Variants in ANGPTL3 observed in about 807,000 individuals in gnomAD.
The protein encoded by ANGPTL3 is angiopoietin-related protein 3.
In ANGPTL3, 51 loss-of-function variants were observed where a neutral mutation model predicts 52.7. That is an observed-to-expected ratio of 0.97 (90% CI 0.77 to 1.22). The LOEUF (loss-of-function observed/expected upper bound fraction) is 1.22, where lower values mean the gene tolerates loss of function less well. ANGPTL3 is among the 50% of genes most tolerant of loss of function. The pLI, the probability that ANGPTL3 is intolerant of heterozygous loss-of-function variation, is 0.00. For synonymous variants in ANGPTL3, 185 were observed against 179.8 expected, an observed-to-expected ratio of 1.03 and a Z score of -0.23; for missense variants, 506 against 520.7, an observed-to-expected ratio of 0.97 and a Z score of 0.27.
At position 62,597,728 on chromosome 1, in the gene ANGPTL3, A is replaced by G; in HGVS notation, c.162A>G (p.Gly54=). The change falls in exon 1 of 7, where the codon GGA becomes GGG. Residue 54 remains glycine (G), a synonymous_variant. Transcript: ENST00000371129. ...KILANGLLQL[G]HGLKDFVHKT... is the part of the protein sequence containing the mutation. ...TAGCCAATGGCCTCCTTCAGTTGGGACATGGTCTTAAAGACTTTGTCCATA... is the reference window on the plus strand; with the variant it reads ...TAGCCAATGGCCTCCTTCAGTTGGGGCATGGTCTTAAAGACTTTGTCCATA... 1 of 1,613,618 alleles carries G rather than the reference A, an allele frequency of 6.2e-7. No individual in the cohort carries two copies.
chr1:62,601,597 T>C (rs1459398952), intron 3 of ANGPTL3, among the ~76,000 whole-genome samples, 172 bp from the exon 4 acceptor site: 1 of 151,684 alleles, frequency 6.6e-6, no homozygotes, highest in Non-Finnish European at 1.5e-5. Context: ...TTTGGTAAGA[T>C]GATTCTTACA....
Position 62,601,156 on chromosome 1 carries a change from C to CG in ANGPTL3, c.681_682insG (p.Phe228ValfsTer6). ...AGCCAAGAGCACCAAGAACTACTCCCTTTCTTCAGTTGAATGAAATAAGAA... is the reference window on the plus strand; with the variant it reads ...AGCCAAGAGCACCAAGAACTACTCCCGTTTCTTCAGTTGAATGAAATAAGAA... On this transcript the variant is annotated frameshift_variant, in exon 3 of 7. Transcript: ENST00000371129. LOFTEE classifies it high-confidence loss of function. The CG allele has an allele frequency of 6.2e-7, 1 of 1,610,696 alleles. No individual in the cohort carries two copies. Among genetic ancestry groups the CG allele is most frequent in the Non-Finnish European group, 8.5e-7 (1 of 1,177,478 alleles).
Position 62,605,856 on chromosome 1 carries a change from AAGATT to A in ANGPTL3, c.*1044_*1048del, listed in dbSNP as rs1452249062. On this transcript the variant is annotated 3_prime_UTR_variant, in exon 7 of 7. Coordinates refer to ENST00000371129, the MANE Select transcript of ANGPTL3 (RefSeq NM_014495.4). ...AGATCCCTAAATCCCTAAATCCCTAAAGATTAGATACAAATTTTTTACCACAGTAT... is the reference window on the plus strand; with the variant it reads ...AGATCCCTAAATCCCTAAATCCCTAAAGATACAAATTTTTTACCACAGTAT... 1 of 152,000 alleles carries A rather than the reference AAGATT, an allele frequency of 6.6e-6. No individual in the cohort carries two copies. The highest frequency in any genetic ancestry group is 1.5e-5 in the Non-Finnish European group (1 of 67,904). 9.4% of individuals were successfully genotyped at this position (152,000 alleles called of 1,614,324 possible). A position where few individuals can be genotyped will look rare whatever the true frequency, so the allele number is the denominator to read the frequency against.
At chr1:62,603,230 G>A (rs1413336657) in intron 5 of ANGPTL3, among the ~76,000 whole-genome samples, 2 of 151,594 alleles carry the variant, frequency 1.3e-5, no homozygotes, top group Admixed American at 6.6e-5. Context: ...CAACCCATTT[G>A]TACTTGTATT....
At position 62,605,772 on chromosome 1, in the gene ANGPTL3, A is replaced by G. The variant is rs1414795824; in HGVS notation, c.*955A>G. 1 of 152,338 alleles carries G rather than the reference A, an allele frequency of 6.6e-6. No homozygotes were observed. Among genetic ancestry groups the G allele is most frequent in the East Asian group, 1.9e-4 (1 of 5,198 alleles). The allele number at this position is 152,338 out of a possible 1,614,324, so 9.4% of individuals were successfully genotyped here. On this transcript the variant is annotated 3_prime_UTR_variant, in exon 7 of 7. Transcript: ENST00000371129. The stretch of plus-strand genomic sequence containing the variant: ...TATGTTTAAAATTCAATAAACAAAG[A>G]CCCAGTCCCTAAATTATAGAAATTT...
Position 62,604,791 on chromosome 1 carries a change from C to A in ANGPTL3, c.1357C>A (p.Pro453Thr), listed in dbSNP as rs749073340. The change falls in exon 7 of 7, where the codon CCA becomes ACA. Residue 453 changes from proline to threonine, a missense_variant. Transcript: ENST00000371129. Reference protein sequence around the residue: ...SIKSTKMLIHPTDSESFE With the variant: ...SIKSTKMLIHTTDSESFE Reference sequence around the variant, plus strand: ...AAAATCAACCAAAATGTTGATCCATCCAACAGATTCAGAAAGCTTTGAATG... The same window carrying A: ...AAAATCAACCAAAATGTTGATCCATACAACAGATTCAGAAAGCTTTGAATG... 1.9e-6 allele frequency: 3 copies of A among 1,612,828 alleles called. No individual in the cohort carries two copies. Among genetic ancestry groups the A allele is most frequent in the Non-Finnish European group, 2.5e-6 (3 of 1,179,276 alleles).
intron 3 of ANGPTL3, 98 bp from the exon 4 acceptor site, chr1:62,601,671 A>G: frequency 1.2e-6 from 1 of 860,708 alleles, no homozygotes; most frequent in Admixed American, 2.0e-5. Flanking sequence ...AAAATGCTAC[A>G]TTTGCCACAA....
At position 62,605,520 on chromosome 1, in the gene ANGPTL3, T is replaced by C. The variant is rs576813673; in HGVS notation, c.*703T>C. ...TCACTATACCTTATTTGTTAAAATA[T>C]ATACTGTATACATTTTATATATTTT... On this transcript the variant is annotated 3_prime_UTR_variant, in exon 7 of 7. Coordinates refer to ENST00000371129, the MANE Select transcript of ANGPTL3 (RefSeq NM_014495.4). 1.2e-4 allele frequency: 18 copies of C among 152,608 alleles called. No homozygotes were observed. The highest frequency in any genetic ancestry group is 1.1e-3 in the Admixed American group (17 of 15,280). The allele number at this position is 152,608 out of a possible 1,614,324, so 9.5% of individuals were successfully genotyped here. A position where few individuals can be genotyped will look rare whatever the true frequency, so the allele number is the denominator to read the frequency against.
Position 62,604,037 on chromosome 1 carries a change from G to T in ANGPTL3, c.1000G>T (p.Glu334Ter). The change falls in exon 6 of 7, where the codon GAG becomes TAG. Residue 334 changes from glutamate to a stop codon, truncating the protein, a stop_gained. Transcript: ENST00000371129. LOFTEE classifies it high-confidence loss of function. ...GCAATCTAATTATGTTTTACGAATTGAGTTGGAAGACTGGAAAGACAACAA... is the reference window on the plus strand; with the variant it reads ...GCAATCTAATTATGTTTTACGAATTTAGTTGGAAGACTGGAAAGACAACAA... The part of the protein sequence containing the change: ...VKQSNYVLRI[E>*]LEDWKDNKHY... 6.2e-7 allele frequency: 1 copy of T among 1,612,982 alleles called. No homozygotes were observed. The highest frequency in any genetic ancestry group is 8.5e-7 in the Non-Finnish European group (1 of 1,179,244).
rs1649540559 is a variant in ANGPTL3 at position 62,598,022 on chromosome 1, A to G, written c.456A>G (p.Gln152=). The G allele has an allele frequency of 1.9e-6, 3 of 1,578,680 alleles. No individual in the cohort carries two copies. Among genetic ancestry groups the G allele is most frequent in the Non-Finnish European group, 2.6e-6 (3 of 1,170,666 alleles). The stretch of plus-strand genomic sequence containing the variant: ...AACTAACTAACTTAATTCAAAATCA[A>G]CCTGAAACTCCAGAACACCCAGAAG... The part of the protein sequence containing the change: ...EEQLTNLIQN[Q]PETPEHPEVT... Residue 152 remains glutamine (Q), a synonymous_variant, in exon 1 of 7, where the codon CAA becomes CAG. Coordinates refer to ENST00000371129, the MANE Select transcript of ANGPTL3 (RefSeq NM_014495.4).
chr1:62,598,555 G>A, intron 1 of ANGPTL3, 141 bp from the exon 2 acceptor site: 2 of 631,094 alleles, frequency 3.2e-6, no homozygotes, highest in South Asian at 3.8e-5. Context: ...TTTGAAAGAA[G>A]CATACAAGGG....
intron 3 of ANGPTL3, 129 bp downstream of exon 3, chr1:62,601,325 G>C: frequency 2.9e-6 from 2 of 694,820 alleles, no homozygotes; most frequent in Non-Finnish European, 5.1e-6. Flanking sequence ...TAAACTGGAT[G>C]CTGGGGTTCT....
chr1:62,602,194 C>A, intron 4 of ANGPTL3, 91 bp from the exon 5 acceptor site: 2 of 1,040,348 alleles, frequency 1.9e-6, no homozygotes, highest in Admixed American at 1.8e-5. Flanking sequence ...CTTACAAAAC[C>A]ACCAATTAAA....
chr1:62,602,811 C>T (rs906154972), intron 5 of ANGPTL3, among the ~76,000 whole-genome samples: 1 of 151,408 alleles, frequency 6.6e-6, no homozygotes, highest in African/African-American at 2.4e-5. Context: ...CTCAGACATA[C>T]AGTATACATT....
chr1:62,602,758 C>T (rs1349163085), intron 5 of ANGPTL3, among the ~76,000 whole-genome samples: 1 of 151,354 alleles, frequency 6.6e-6, no homozygotes, highest in Non-Finnish European at 1.5e-5. Context: ...CTCTCATTAA[C>T]GTTTTACATA....
At chr1:62,604,526 A>G in intron 6 of ANGPTL3, 107 bp from the exon 7 acceptor site, 1 of 1,218,986 alleles carries the variant, frequency 8.2e-7, no homozygotes. Flanking sequence ...CATGCATCTA[A>G]AACACTGTAA....
chr1:62,603,570 G>C (rs2149540758), intron 5 of ANGPTL3, among the ~76,000 whole-genome samples: 1 of 151,702 alleles, frequency 6.6e-6, no homozygotes, highest in Admixed American at 6.6e-5. Flanking sequence ...AAGTCTCTAG[G>C]AATACTTAAC....
chr1:62,600,978 T>C, intron 2 of ANGPTL3, 104 bp from the exon 3 acceptor site: 1 of 734,714 alleles, frequency 1.4e-6, no homozygotes, highest in Non-Finnish European at 2.5e-6. Context: ...CGTTATAACA[T>C]TATGAACTGA....
intron 5 of ANGPTL3, 129 bp from the exon 6 acceptor site, chr1:62,603,840 C>T (rs1396910697): frequency 2.4e-6 from 2 of 832,898 alleles, no homozygotes; most frequent in African/African-American, 3.4e-5. Flanking sequence ...TTTTAAGATA[C>T]ACTAAAATGA....
Sources: gnomAD v4.1 joint callset for allele counts (sites outside exome capture counted in the v4.1 genomes callset) on GRCh38, gnomAD v4.1.1 for gene constraint, MANE v1.5 for transcripts, NCBI Gene and HGNC (gene_info 2026-07-23, HGNC 2026-07-21) for gene names.